Variants in CCDC167 observed in about 807,000 individuals in gnomAD.
The protein encoded by CCDC167 is coiled-coil domain-containing protein 167.
In CCDC167, 15 loss-of-function variants were observed where a neutral mutation model predicts 12.7. That is an observed-to-expected ratio of 1.18 (90% CI 0.79 to 1.81). CCDC167 has a LOEUF of 1.81. Among genes scored for constraint, CCDC167 ranks in the 40% most tolerant of loss-of-function variants. The pLI, the probability that CCDC167 is intolerant of heterozygous loss-of-function variation, is 0.00. For missense variants in CCDC167, 121 were observed against 120.1 expected (o/e 1.01, Z -0.03); for synonymous variants, 52 against 49.0 (o/e 1.06, Z -0.26).
intron 1 of CCDC167, among the ~76,000 whole-genome samples, chr6:37,496,928 C>T (rs1762104254): frequency 6.6e-6 from 1 of 152,236 alleles, no homozygotes; most frequent in African/African-American, 2.4e-5. Context: ...TGTGCTTCCT[C>T]CATTCTCCTC....
rs1191622940 is a variant in CCDC167, at chr6:37,485,178, T to C, written c.59A>G (p.Glu20Gly). The C allele has an allele frequency of 3.1e-6, 5 of 1,613,194 alleles. No individual in the cohort carries two copies. The highest frequency in any genetic ancestry group is 4.2e-6 in the Non-Finnish European group (5 of 1,179,860). ...GTCTCTCCGACACTGGGACAGCTTC[T>C]CCTCTAGCCCATCGATCTGAAACAA... ...GVALEIDGLE[E>G]KLSQCRRDLE... is the part of the protein sequence containing the mutation. Residue 20 changes from glutamate (E) to glycine (G), a missense_variant, in exon 2 of 4, where the codon GAG (glutamate) becomes GGG (glycine). Physicochemically the swap from Glu to Gly is moderately conservative, Grantham distance 98. Transcript: ENST00000373408.
In CCDC167 at chr6:37,499,838, A is replaced by G. The variant is rs1222090700; in HGVS notation, c.26T>C (p.Leu9Pro). Residue 9 changes from leucine (L) to proline (P), a missense_variant, in exon 1 of 4, where the codon CTG becomes CCG. Coordinates refer to ENST00000373408, the MANE Select transcript of CCDC167 (RefSeq NM_138493.3). ...TCCCCTCACCTCTAGAGCGACGCCCAGATTCTCCCGCTTCTTTTTAGTCAT... is the reference window on the plus strand; with the variant it reads ...TCCCCTCACCTCTAGAGCGACGCCCGGATTCTCCCGCTTCTTTTTAGTCAT... MTKKKREN[L>P]GVALEIDGLE... The G allele has an allele frequency of 2.5e-6, 4 of 1,614,118 alleles. No homozygotes were observed. In the South Asian group the frequency reaches 3.3e-5, roughly 13 times the overall value.
intron 1 of CCDC167, among the ~76,000 whole-genome samples, chr6:37,489,980 A>G (rs1761996001): frequency 6.6e-6 from 1 of 152,120 alleles, no homozygotes; most frequent in African/African-American, 2.4e-5. Context: ...ATTAAGAACC[A>G]CCCGTGCATT....
chr6:37,487,738 A>G (rs1161992537), intron 1 of CCDC167, among the ~76,000 whole-genome samples: 1 of 152,270 alleles, frequency 6.6e-6, no homozygotes, highest in Admixed American at 6.5e-5. Context: ...GCAAACCACA[A>G]GTGGCCAAGC....
chr6:37,490,950 C>T (rs1254731967), intron 1 of CCDC167, among the ~76,000 whole-genome samples: 2 of 152,198 alleles, frequency 1.3e-5, no homozygotes, highest in East Asian at 3.8e-4. Context: ...GGGAATATCA[C>T]CTTATTCTGG....
In CCDC167 at chr6:37,483,304, G is replaced by A. The variant is rs778151727; in HGVS notation, c.191-15C>T. On this transcript the variant is annotated splice_polypyrimidine_tract_variant and intron_variant, in intron 3 of 3. Transcript: ENST00000373408. The stretch of plus-strand genomic sequence containing the variant: ...CAGTTCCTTCTCTGGGAGGAAAGAG[G>A]GTGATAGGGATAGGACAGGCAGTTT... The A allele has an allele frequency of 1.6e-5, 25 of 1,582,988 alleles. No homozygotes were observed. Among genetic ancestry groups the A allele is most frequent in the Non-Finnish European group, 2.1e-5 (24 of 1,151,884 alleles).
intron 1 of CCDC167, among the ~76,000 whole-genome samples, chr6:37,497,815 C>A (rs1290341911): frequency 6.6e-6 from 1 of 152,032 alleles, no homozygotes; most frequent in Non-Finnish European, 1.5e-5. Flanking sequence ...CAAGAGTGCA[C>A]CACTACACTC....
At chr6:37,494,056 C>CTTTTT (rs70977666) in intron 1 of CCDC167, among the ~76,000 whole-genome samples, 6 of 91,386 alleles carry the variant, frequency 6.6e-5, no homozygotes, top group African/African-American at 1.7e-4. Flanking sequence ...GTGATCCTGC[C>CTTTTT]TTTTTTTTTT....
At chr6:37,495,989 A>G (rs1762092640) in intron 1 of CCDC167, among the ~76,000 whole-genome samples, 1 of 152,232 alleles carries the variant, frequency 6.6e-6, no homozygotes, top group African/African-American at 2.4e-5. Flanking sequence ...ACACGGTTAC[A>G]GATGTCAAAT....
At chr6:37,496,654 A>G (rs966594274) in intron 1 of CCDC167, among the ~76,000 whole-genome samples, 4 of 152,230 alleles carry the variant, frequency 2.6e-5, no homozygotes, top group Admixed American at 2.6e-4. Flanking sequence ...TGTATTGATT[A>G]CCAATCCGGT....
In CCDC167 at chr6:37,484,869, G is replaced by A; in HGVS notation, c.138-7C>T. ...CTCCTTCTCCAGGGACCTCCTGTGAGGGGAAAGGAGCTTCATGGACCAAAC... is the reference window on the plus strand; with the variant it reads ...CTCCTTCTCCAGGGACCTCCTGTGAAGGGAAAGGAGCTTCATGGACCAAAC... On this transcript the variant is annotated splice_region_variant and splice_polypyrimidine_tract_variant and intron_variant, in intron 2 of 3. Coordinates refer to ENST00000373408, the MANE Select transcript of CCDC167 (RefSeq NM_138493.3). 1 of 1,614,254 alleles carries A rather than the reference G, an allele frequency of 6.2e-7. No homozygotes were observed. Among genetic ancestry groups the A allele is most frequent in the Middle Eastern group, 1.7e-4 (1 of 6,056 alleles).
chr6:37,489,130 G>C (rs1414491275), intron 1 of CCDC167, among the ~76,000 whole-genome samples: 1 of 152,248 alleles, frequency 6.6e-6, no homozygotes, highest in Non-Finnish European at 1.5e-5. Context: ...CAGCTACTCA[G>C]GAGGCTGAGG....
Position 37,499,852 on chromosome 6 carries a change from CTTT to C in CCDC167, c.9_11del (p.Lys5del). ...GAGCGACGCCCAGATTCTCCCGCTTCTTTTTAGTCATGTTACTTGCCGGGATCC... is the reference window on the plus strand; with the variant it reads ...GAGCGACGCCCAGATTCTCCCGCTTCTTAGTCATGTTACTTGCCGGGATCC... On this transcript the variant is annotated inframe_deletion, in exon 1 of 4. Transcript: ENST00000373408. The C allele has an allele frequency of 6.2e-7, 1 of 1,614,184 alleles. No individual in the cohort carries two copies. The highest frequency in any genetic ancestry group is 8.5e-7 in the Non-Finnish European group (1 of 1,180,030).
intron 1 of CCDC167, among the ~76,000 whole-genome samples, chr6:37,498,763 T>C (rs1346378797): frequency 6.6e-6 from 1 of 151,966 alleles, no homozygotes; most frequent in African/African-American, 2.4e-5. Flanking sequence ...AGGCAGAGTT[T>C]ACAGTGAGCC....
At chr6:37,496,119 C>T (rs980086974) in intron 1 of CCDC167, among the ~76,000 whole-genome samples, 5 of 152,164 alleles carry the variant, frequency 3.3e-5, no homozygotes, top group African/African-American at 1.2e-4. Flanking sequence ...TTGGAGAATA[C>T]ATGCCCCACC....
At chr6:37,487,330 CTT>C (rs1761956587) in intron 1 of CCDC167, among the ~76,000 whole-genome samples, 1 of 152,144 alleles carries the variant, frequency 6.6e-6, no homozygotes, top group Admixed American at 6.5e-5. Flanking sequence ...CTGCTGCAGT[CTT>C]TGTATTTTTA....
In CCDC167 at chr6:37,483,056, G is replaced by C. The variant is rs1186433122; in HGVS notation, c.*130C>G. The C allele has an allele frequency of 2.5e-6, 2 of 787,948 alleles. No individual in the cohort carries two copies. The highest frequency in any genetic ancestry group is 4.5e-6 in the Non-Finnish European group (2 of 447,796). The allele number at this position is 787,948 out of a possible 1,614,324, so 48.8% of individuals were successfully genotyped here. A position where few individuals can be genotyped will look rare whatever the true frequency, so the allele number is the denominator to read the frequency against. On this transcript the variant is annotated 3_prime_UTR_variant, in exon 4 of 4. Coordinates refer to ENST00000373408, the MANE Select transcript of CCDC167 (RefSeq NM_138493.3). ...GAGGCAAGGCCTGGGCCGCCAGGAAGCCATGCTTGAACACTAGGTTGGGAG... is the reference window on the plus strand; with the variant it reads ...GAGGCAAGGCCTGGGCCGCCAGGAACCCATGCTTGAACACTAGGTTGGGAG...
At chr6:37,488,964 A>T (rs571417213) in intron 1 of CCDC167, among the ~76,000 whole-genome samples, 2 of 151,626 alleles carry the variant, frequency 1.3e-5, no homozygotes, top group East Asian at 3.9e-4. Context: ...GTGGCTGGGC[A>T]TGGTGGCTCA....
At chr6:37,485,258 G>A in intron 1 of CCDC167, 64 bp from the exon 2 acceptor site, 1 of 1,285,174 alleles carries the variant, frequency 7.8e-7, no homozygotes, top group Admixed American at 1.7e-5. Context: ...ACTGGGACTG[G>A]GAAGCAGGGC....
Sources: gnomAD v4.1 joint callset for allele counts (sites outside exome capture counted in the v4.1 genomes callset) on GRCh38, gnomAD v4.1.1 for gene constraint, MANE v1.5 for transcripts, NCBI Gene and HGNC (gene_info 2026-07-23, HGNC 2026-07-21) for gene names.